DIP2C: variants seen among roughly 807,000 people sequenced by gnomAD.
DIP2C encodes DIP2 acetate--CoA ligase C (putative), also known as disco-interacting protein 2 homolog C.
Under a neutral mutation model 192.4 loss-of-function variants are expected in DIP2C, and 33 were observed. The ratio of observed to expected loss-of-function variants is 0.17; its 90% CI spans 0.13 to 0.23. DIP2C has a LOEUF of 0.23. Among genes scored for constraint, DIP2C ranks in the 10% least tolerant of loss-of-function variants. The probability of loss-of-function intolerance (pLI) is 1.00; values close to 1 mark genes in which losing one functional copy is unlikely to be tolerated. For missense variants in DIP2C, 1,537 were observed against 2,110.1 expected (o/e 0.73, Z 5.32); for synonymous variants, 979 against 864.1 (o/e 1.13, Z -2.33).
At chr10:344,737 G>C in intron 28 of DIP2C, 72 bp downstream of exon 28, 2 of 1,292,254 alleles carry the variant, frequency 1.5e-6, no homozygotes, top group Non-Finnish European at 1.1e-6. Context: ...CTGAGAGCCA[G>C]CACGTGACCT....
intron 4 of DIP2C, among the ~76,000 whole-genome samples, chr10:436,027 A>ATAC (rs1564709467): frequency 1.3e-5 from 2 of 152,170 alleles, no homozygotes; most frequent in East Asian, 3.9e-4. Flanking sequence ...CAAAATGCTC[A>ATAC]TACTATACTT....
intron 1 of DIP2C, among the ~76,000 whole-genome samples, chr10:599,644 A>C (rs1202967191): frequency 6.6e-6 from 1 of 152,212 alleles, no homozygotes; most frequent in Non-Finnish European, 1.5e-5. Flanking sequence ...CAGGTAACCC[A>C]GCACCCTCAG....
intron 1 of DIP2C, among the ~76,000 whole-genome samples, chr10:685,654 A>T (rs1588770490): frequency 6.6e-6 from 1 of 152,016 alleles, no homozygotes; most frequent in Non-Finnish European, 1.5e-5. Context: ...CTTTTTTAAA[A>T]TAATAATAAT....
chr10:378,332 A>G (rs1306599694), intron 17 of DIP2C, among the ~76,000 whole-genome samples: 1 of 152,246 alleles, frequency 6.6e-6, no homozygotes, highest in East Asian at 1.9e-4. Context: ...CATGAACACG[A>G]AGGTGAAAAC....
chr10:501,589 A>C (rs1234131705), intron 1 of DIP2C, among the ~76,000 whole-genome samples: 1 of 152,026 alleles, frequency 6.6e-6, no homozygotes, highest in Non-Finnish European at 1.5e-5. Flanking sequence ...AAAATGAAAA[A>C]AAGGTCAATA....
Position 419,424 on chromosome 10 carries a change from G to A in DIP2C, c.605-225C>T, listed in dbSNP as rs572405681. ...TGGAGCAGAGTTCGGTAAAACCTCA[G>A]ACGTAATTTCCTAACGGGAGCCATG... On this transcript the variant is annotated intron_variant, in intron 5 of 36. Coordinates refer to ENST00000280886, the MANE Select transcript of DIP2C (RefSeq NM_014974.3). Among the ~76,000 whole-genome samples the A allele has an allele frequency of 2.0e-5, 3 of 152,332 alleles. 1 individual carries two copies. Among genetic ancestry groups the A allele is most frequent in the East Asian group, 3.9e-4 (2 of 5,182 alleles).
chr10:535,155 G>T (rs184239868), intron 1 of DIP2C, among the ~76,000 whole-genome samples: 165 of 152,190 alleles, frequency 1.1e-3, no homozygotes, highest in African/African-American at 3.7e-3. Flanking sequence ...CACATCTCAA[G>T]TACAGCCAGA....
At position 276,372 on chromosome 10, in the gene DIP2C, T is replaced by C. The variant is rs1392066968; in HGVS notation, c.*953A>G. On this transcript the variant is annotated 3_prime_UTR_variant, in exon 37 of 37. Coordinates refer to ENST00000280886, the MANE Select transcript of DIP2C (RefSeq NM_014974.3). Reference sequence around the variant, plus strand: ...ACTGCTGGCAACAGCAGAGTGTATGTGAGTACGGGGGGCACACCATGCAAG... The same window carrying C: ...ACTGCTGGCAACAGCAGAGTGTATGCGAGTACGGGGGGCACACCATGCAAG... The C allele has an allele frequency of 6.6e-6, 1 of 152,660 alleles. No homozygotes were observed. Among genetic ancestry groups the C allele is most frequent in the Non-Finnish European group, 1.5e-5 (1 of 68,044 alleles). The allele number at this position is 152,660 out of a possible 1,614,324, so 9.5% of individuals were successfully genotyped here. A position where few individuals can be genotyped will look rare whatever the true frequency, so the allele number is the denominator to read the frequency against.
chr10:430,397 A>C (rs1240799488), intron 4 of DIP2C: 1 of 152,148 alleles, frequency 6.6e-6, no homozygotes, highest in Non-Finnish European at 1.5e-5. Context: ...TAGTGTCGAC[A>C]CCTGAGAGGC....
At chr10:480,093 C>A (rs912835107) in intron 2 of DIP2C, among the ~76,000 whole-genome samples, 1 of 150,340 alleles carries the variant, frequency 6.7e-6, no homozygotes, top group Non-Finnish European at 1.5e-5. Flanking sequence ...GCCTGAGCTC[C>A]GGTCCACGCT....
chr10:675,751 A>G (rs1460123523), intron 1 of DIP2C, among the ~76,000 whole-genome samples: 1 of 152,174 alleles, frequency 6.6e-6, no homozygotes, highest in East Asian at 1.9e-4. Context: ...CAGACCAATA[A>G]TGAGTAACAT....
At chr10:378,862 CAG>C (rs1234398247) in intron 17 of DIP2C, among the ~76,000 whole-genome samples, 10 of 150,418 alleles carry the variant, frequency 6.6e-5, no homozygotes, top group Admixed American at 5.9e-4. Context: ...CACATGTGAA[CAG>C]ACATGCCTAG....
intron 1 of DIP2C, among the ~76,000 whole-genome samples, chr10:534,458 A>C (rs1329986425): frequency 6.6e-6 from 1 of 152,148 alleles, no homozygotes; most frequent in African/African-American, 2.4e-5. Flanking sequence ...TCTTTTTGTC[A>C]GGTCCCTGTT....
At chr10:309,818 T>C (rs1956494210) in intron 32 of DIP2C, among the ~76,000 whole-genome samples, 1 of 152,036 alleles carries the variant, frequency 6.6e-6, no homozygotes, top group African/African-American at 2.4e-5. Context: ...CCCAAATACC[T>C]GGGATTACAG....
At chr10:520,201 A>T (rs540290572) in intron 1 of DIP2C, among the ~76,000 whole-genome samples, 27 of 152,334 alleles carry the variant, frequency 1.8e-4, no homozygotes, top group African/African-American at 6.5e-4. Context: ...ACATGCTTAC[A>T]GGCAAAGTTT....
intron 17 of DIP2C, among the ~76,000 whole-genome samples, chr10:372,473 G>C (rs1337500460): frequency 6.6e-6 from 1 of 152,180 alleles, no homozygotes; most frequent in East Asian, 1.9e-4. Context: ...TTTGCTATAG[G>C]AACTTTTCAG....
At chr10:590,144 T>C (rs1439364701) in intron 1 of DIP2C, among the ~76,000 whole-genome samples, 1 of 152,152 alleles carries the variant, frequency 6.6e-6, no homozygotes, top group East Asian at 1.9e-4. Context: ...CACGGAACTG[T>C]GAAAACCGGA....
intron 1 of DIP2C, among the ~76,000 whole-genome samples, chr10:536,878 T>G (rs1485721892): frequency 6.6e-6 from 1 of 152,366 alleles, no homozygotes; most frequent in African/African-American, 2.4e-5. Context: ...GTGTTCTACT[T>G]GAGTATCTCA....
At chr10:304,894 T>C (rs917173598) in intron 32 of DIP2C, among the ~76,000 whole-genome samples, 5 of 152,062 alleles carry the variant, frequency 3.3e-5, no homozygotes, top group African/African-American at 7.2e-5. Flanking sequence ...TGCACACTCA[T>C]ACTTGCATGT....
Sources: allele counts gnomAD v4.1 joint callset (sites outside exome capture counted in the v4.1 genomes callset), GRCh38; gene constraint gnomAD v4.1.1; transcripts MANE v1.5; gene names NCBI Gene and HGNC (gene_info 2026-07-23, HGNC 2026-07-21).